The following STK10 variants were observed in gnomAD, a reference collection of about 807,000 sequenced individuals.
STK10 encodes the protein serine/threonine kinase 10, also known as serine/threonine-protein kinase 10.
STK10 carries 78 observed loss-of-function variants against 113.8 expected under a neutral mutation model. That is an observed-to-expected ratio of 0.69 (90% CI 0.57 to 0.83). STK10 has a LOEUF of 0.83. STK10 is among the 40% of genes least tolerant of loss of function. The pLI is 0.00. For missense variants in STK10, 1,109 were observed against 1,280.1 expected, an observed-to-expected ratio of 0.87 and a Z score of 2.04; for synonymous variants, 465 against 494.7, an observed-to-expected ratio of 0.94 and a Z score of 0.80.
At chr5:172,164,828 C>T (rs1561832519) in intron 1 of STK10, among the ~76,000 whole-genome samples, 1 of 152,232 alleles carries the variant, frequency 6.6e-6, no homozygotes, top group Non-Finnish European at 1.5e-5. Context: ...CTCCGATGTC[C>T]CTCTCTCCCA....
intron 2 of STK10, among the ~76,000 whole-genome samples, chr5:172,151,044 C>T (rs1381455576): frequency 2.6e-5 from 4 of 152,250 alleles, no homozygotes; most frequent in Non-Finnish European, 5.9e-5. Context: ...CACACCAGGC[C>T]CCGTGCCGGG....
Position 172,187,721 on chromosome 5 carries a change from A to C in STK10, c.156+166T>G, listed in dbSNP as rs1254243783. ...CGCAGGGACTCGGCCGGGCCGAGTG[A>C]TGTTCCCCCCAAAAAACAAGAGTCA... is the stretch of plus-strand genomic sequence containing the variant. On this transcript the variant is annotated intron_variant, in intron 1 of 18. Transcript: ENST00000176763. This position sits in a 1 kb window ranked among gnomAD's most constrained non-coding sequence, Gnocchi z 4.6. Among the ~76,000 whole-genome samples the C allele has an allele frequency of 6.6e-6, 1 of 152,114 alleles. No homozygotes were observed. The highest frequency in any genetic ancestry group is 1.5e-5 in the Non-Finnish European group (1 of 68,016).
chr5:172,056,954 G>GGAAAGAAAGAGAAAGAAAGAAA (rs1767796207), intron 15 of STK10: 1 of 78,966 alleles, frequency 1.3e-5, no homozygotes, highest in Admixed American at 1.3e-4. Flanking sequence ...AAAGAAAGAA[G>GGAAAGAAAGAGAAAGAAAGAAA]GAAAGAAAGA....
At chr5:172,107,701 T>G in intron 5 of STK10, 79 bp downstream of exon 5, 1 of 1,184,124 alleles carries the variant, frequency 8.4e-7, no homozygotes, top group Non-Finnish European at 1.2e-6. Flanking sequence ...CCGGCCCCTC[T>G]CTGTCTAAAG....
At chr5:172,138,365 G>A (rs565202668) in intron 2 of STK10, among the ~76,000 whole-genome samples, 32 of 152,104 alleles carry the variant, frequency 2.1e-4, no homozygotes, top group Admixed American at 1.8e-3. Context: ...CTTGTGATCC[G>A]CCCACCTTGG....
chr5:172,107,678 T>TGACCGGGC, intron 5 of STK10, 102 bp downstream of exon 5: 1 of 1,075,814 alleles, frequency 9.3e-7, no homozygotes, highest in Non-Finnish European at 1.4e-6. Context: ...GCAGGGCGTG[T>TGACCGGGC]AGCCCTTGTC....
At chr5:172,071,998 A>C (rs1768191761) in intron 12 of STK10, among the ~76,000 whole-genome samples, 1 of 152,182 alleles carries the variant, frequency 6.6e-6, no homozygotes, top group African/African-American at 2.4e-5. Flanking sequence ...CACAGACCCC[A>C]AAATCCTCAC....
Position 172,155,327 on chromosome 5 carries a change from G to A in STK10, c.321+1297C>T, listed in dbSNP as rs144237174. ...AGCCTGACCAAGACGGTGAAACCCC[G>A]TCTCTACTAAAAATATAAAAAGCAG... On this transcript the variant is annotated intron_variant, in intron 2 of 18. Coordinates refer to ENST00000176763, the MANE Select transcript of STK10 (RefSeq NM_005990.4). 5.3e-4 allele frequency among the ~76,000 whole-genome samples: 80 copies of A among 151,864 alleles called. No individual in the cohort carries two copies. In the East Asian group the frequency reaches 6.6e-3, roughly 13 times the overall value.
At chr5:172,134,442 C>T (rs1477590216) in intron 2 of STK10, among the ~76,000 whole-genome samples, 4 of 152,034 alleles carry the variant, frequency 2.6e-5, no homozygotes, top group Non-Finnish European at 4.4e-5. Flanking sequence ...TCCATATCCT[C>T]CCATCTTTAA....
At chr5:172,049,628 G>A (rs1767583695) in intron 18 of STK10, among the ~76,000 whole-genome samples, 3 of 152,112 alleles carry the variant, frequency 2.0e-5, no homozygotes, top group African/African-American at 7.2e-5. Flanking sequence ...TGGGGGAGGG[G>A]CAGCAAGCTC....
chr5:172,049,059 C>T (rs903117533), intron 18 of STK10, among the ~76,000 whole-genome samples: 1 of 152,112 alleles, frequency 6.6e-6, no homozygotes, highest in Non-Finnish European at 1.5e-5. Flanking sequence ...TCCTGCCACA[C>T]CGTCTGAAGC....
chr5:172,087,153 T>TGTGTGTGTGTGG (rs1359242730), intron 10 of STK10, among the ~76,000 whole-genome samples: 3 of 145,384 alleles, frequency 2.1e-5, no homozygotes, highest in Non-Finnish European at 4.6e-5. Flanking sequence ...TGTGTGTGTG[T>TGTGTGTGTGTGG]GGTGTATGCA....
In STK10 at chr5:172,117,638, TGGA is replaced by T. The variant is rs765208434; in HGVS notation, c.371-11_371-9del. On this transcript the variant is annotated splice_polypyrimidine_tract_variant and intron_variant, in intron 3 of 18. Coordinates refer to ENST00000176763, the MANE Select transcript of STK10 (RefSeq NM_005990.4). Reference sequence around the variant, plus strand: ...TGAGGCCTCTGTCCAGCTCTGGAAATGGAGGAGAACGGCTGTCAATTCAGTAAG... The same window carrying T: ...TGAGGCCTCTGTCCAGCTCTGGAAATGGAGAACGGCTGTCAATTCAGTAAG... 6.8e-6 allele frequency: 11 copies of T among 1,613,634 alleles called. No homozygotes were observed. Among genetic ancestry groups the T allele is most frequent in the Middle Eastern group, 1.7e-4 (1 of 6,006 alleles).
intron 1 of STK10, among the ~76,000 whole-genome samples, chr5:172,175,713 AC>A (rs943454361): frequency 1.6e-4 from 25 of 152,130 alleles, no homozygotes; most frequent in African/African-American, 6.0e-4. Context: ...TAGACACCGC[AC>A]TGAAGCGACC....
chr5:172,184,615 C>G (rs975138179), intron 1 of STK10, among the ~76,000 whole-genome samples: 1 of 152,030 alleles, frequency 6.6e-6, no homozygotes, highest in African/African-American at 2.4e-5. Context: ...GTGGTGGAGA[C>G]AGCTCACAAC....
chr5:172,142,399 G>A (rs1307917927), intron 2 of STK10, among the ~76,000 whole-genome samples: 3 of 152,060 alleles, frequency 2.0e-5, no homozygotes, highest in South Asian at 2.1e-4. Context: ...TAAGTAATGC[G>A]CACAAAGAGA....
At chr5:172,142,527 C>T (rs538094694) in intron 2 of STK10, among the ~76,000 whole-genome samples, 35 of 152,264 alleles carry the variant, frequency 2.3e-4, no homozygotes, top group African/African-American at 8.4e-4. Flanking sequence ...ACACCTAATG[C>T]AATTTGAGAG....
rs1159188676 is a variant in STK10, at chr5:172,093,204, A to G, written c.1554+208T>C. ...CCAGGGCCTTTTACCAAGCTTTGAA[A>G]TTTAAACCCAAACCAACTGCTTTAC... On this transcript the variant is annotated intron_variant, in intron 9 of 18. Transcript: ENST00000176763. This position sits in a 1 kb window ranked among gnomAD's most constrained non-coding sequence, Gnocchi z 4.1. Among the ~76,000 whole-genome samples, 1 of 152,204 alleles carries G rather than the reference A, an allele frequency of 6.6e-6. No homozygotes were observed. Among genetic ancestry groups the G allele is most frequent in the Non-Finnish European group, 1.5e-5 (1 of 68,028 alleles).
At chr5:172,047,899 GTTTTTTT>G (rs11438537) in intron 18 of STK10, among the ~76,000 whole-genome samples, 2 of 109,802 alleles carry the variant, frequency 1.8e-5, no homozygotes, top group Non-Finnish European at 3.5e-5. Flanking sequence ...TGTTTTTTGG[GTTTTTTT>G]TTTTTTTTTT....
Sources: gnomAD v4.1 joint callset for allele counts (sites outside exome capture counted in the v4.1 genomes callset) on GRCh38, gnomAD v4.1.1 for gene constraint, Gnocchi (gnomAD v3.1) non-coding constraint, MANE v1.5 for transcripts, NCBI Gene and HGNC (gene_info 2026-07-23, HGNC 2026-07-21) for gene names.